Variants in GSE1 observed in about 807,000 individuals in gnomAD.
GSE1 encodes genetic suppressor element 1.
A neutral mutation model predicts 112.6 loss-of-function variants in GSE1; 32 were observed. The ratio of observed to expected loss-of-function variants is 0.28; its 90% CI spans 0.21 to 0.38. The LOEUF is 0.38. Ranked by LOEUF, GSE1 falls within the 10% of genes least tolerant of loss-of-function variation. The probability of loss-of-function intolerance (pLI) is 1.00; values close to 1 mark genes in which losing one functional copy is unlikely to be tolerated. For missense variants in GSE1, 2,348 were observed against 1,699.2 expected, an observed-to-expected ratio of 1.38 and a Z score of -6.71; for synonymous variants, 1,115 against 735.6, an observed-to-expected ratio of 1.52 and a Z score of -8.35.
At chr16:85,543,744 G>A (rs1187097653) in intron 2 of GSE1, among the ~76,000 whole-genome samples, 1 of 152,214 alleles carries the variant, frequency 6.6e-6, no homozygotes, top group Non-Finnish European at 1.5e-5. Flanking sequence ...TCTAAAACTT[G>A]TGTCACCCAG....
Position 85,648,598 on chromosome 16 carries a change from C to A in GSE1, c.273C>A (p.Thr91=), listed in dbSNP as rs150142654. Residue 91 remains threonine (T), a synonymous_variant, in exon 3 of 16, where the codon ACC becomes ACA. Coordinates refer to ENST00000253458, the MANE Select transcript of GSE1 (RefSeq NM_014615.5). ...SESSPVSSPA[T]NHSSPASTPK... is the part of the protein sequence containing the mutation. ...CGTCCCCCGTGTCCTCTCCGGCCAC[C>A]AACCACAGCTCCCCCGCCAGCACAC... is the stretch of plus-strand genomic sequence containing the variant. 6.2e-7 allele frequency: 1 copy of A among 1,605,336 alleles called. No individual in the cohort carries two copies. The highest frequency in any genetic ancestry group is 1.3e-5 in the African/African-American group (1 of 74,748).
Position 85,549,883 on chromosome 16 carries a change from A to C in GSE1, c.2465-84031A>C, listed in dbSNP as rs1384540921. Among the ~76,000 whole-genome samples the C allele has an allele frequency of 2.0e-5, 3 of 152,154 alleles. No homozygotes were observed. The South Asian group carries it at 6.2e-4, about 32-fold the overall frequency. ...GTGGGTGATGGTCACTGTGGTGCCC[A>C]TCTCAAGGGGAGGGGATGCTGGGGC... is the stretch of plus-strand genomic sequence containing the variant. On this transcript the variant is annotated intron_variant, in intron 2 of 2. Coordinates refer to the GSE1 transcript ENST00000637419.
At position 85,668,418 on chromosome 16, in the gene GSE1, A is replaced by G; in HGVS notation, c.3409A>G (p.Ile1137Val). 6.3e-7 allele frequency: 1 copy of G among 1,590,204 alleles called. No individual in the cohort carries two copies. Among genetic ancestry groups the G allele is most frequent in the Non-Finnish European group, 8.6e-7 (1 of 1,165,256 alleles). Reference protein sequence around the residue: ...EAVFEAYQEHIEEQNLERQVL... With the variant: ...EAVFEAYQEHVEEQNLERQVL... ...CGTTTTTGAAGCTTACCAGGAACACATAGAAGGTAAGGGGGTGCTGGGGAA... is the reference window on the plus strand; with the variant it reads ...CGTTTTTGAAGCTTACCAGGAACACGTAGAAGGTAAGGGGGTGCTGGGGAA... The change falls in exon 14 of 16, where the codon ATA becomes GTA. Residue 1137 changes from isoleucine to valine, a missense_variant. Physicochemically the swap from Ile to Val is conservative, Grantham distance 29. Transcript: ENST00000253458.
chr16:85,221,028 T>C (rs2075382379), intron 1 of GSE1, among the ~76,000 whole-genome samples: 1 of 148,904 alleles, frequency 6.7e-6, no homozygotes, highest in Non-Finnish European at 1.5e-5. Context: ...GGATTCAGCG[T>C]CCTCCGGGCT....
intron 2 of GSE1, among the ~76,000 whole-genome samples, chr16:85,519,572 A>T (rs1412072187): frequency 7.7e-6 from 1 of 129,052 alleles, no homozygotes; most frequent in Non-Finnish European, 1.6e-5. Flanking sequence ...CATCATCACC[A>T]TCACCAGTCT....
At chr16:85,655,949 G>T in intron 6 of GSE1, 32 bp downstream of exon 6, 1 of 1,554,776 alleles carries the variant, frequency 6.4e-7, no homozygotes, top group Non-Finnish European at 8.7e-7. Flanking sequence ...GAGCCCCTCT[G>T]CCCTCCCTGT....
At chr16:85,464,022 C>T (rs1189399119) in intron 2 of GSE1, among the ~76,000 whole-genome samples, 1 of 152,152 alleles carries the variant, frequency 6.6e-6, no homozygotes, top group Non-Finnish European at 1.5e-5. Flanking sequence ...TCCTGACCTT[C>T]GGGCCCCTTA....
intron 2 of GSE1, among the ~76,000 whole-genome samples, chr16:85,481,266 T>G (rs2050674337): frequency 6.6e-6 from 1 of 152,236 alleles, no homozygotes; most frequent in African/African-American, 2.4e-5. Context: ...CACCTCCTTT[T>G]TTTGAAAAAT....
intron 1 of GSE1, among the ~76,000 whole-genome samples, chr16:85,347,429 G>C (rs955875273): frequency 6.6e-6 from 1 of 152,188 alleles, no homozygotes; most frequent in African/African-American, 2.4e-5. Context: ...ATGAGGAGGC[G>C]CTCTTGCCTC....
At chr16:85,609,792 C>G (rs915096734), upstream of GSE1, among the ~76,000 whole-genome samples, 4 of 152,108 alleles carry the variant, frequency 2.6e-5, no homozygotes, top group Admixed American at 1.3e-4. Flanking sequence ...GTAGATGGGA[C>G]TACAGGCACA....
chr16:85,446,347 G>A (rs1365205494), intron 2 of GSE1, among the ~76,000 whole-genome samples: 1 of 152,178 alleles, frequency 6.6e-6, no homozygotes, highest in Non-Finnish European at 1.5e-5. Flanking sequence ...TCTCTGCCTC[G>A]GTTTCCCCTT....
At chr16:85,383,410 GCA>G (rs1328235257) in intron 2 of GSE1, among the ~76,000 whole-genome samples, 2 of 150,724 alleles carry the variant, frequency 1.3e-5, no homozygotes, top group African/African-American at 4.9e-5. Context: ...GCACACACAC[GCA>G]CACACAGCCT....
At chr16:85,477,231 C>G (rs1389062819) in intron 2 of GSE1, among the ~76,000 whole-genome samples, 2 of 152,188 alleles carry the variant, frequency 1.3e-5, no homozygotes, top group Admixed American at 6.5e-5. Context: ...TGAGTTGGAG[C>G]TGACCCCGGG....
At chr16:85,447,559 C>T (rs1011323907) in intron 2 of GSE1, among the ~76,000 whole-genome samples, 24 of 152,230 alleles carry the variant, frequency 1.6e-4, no homozygotes, top group Admixed American at 4.6e-4. Flanking sequence ...CACCAGCTGT[C>T]ACCATCATGG....
chr16:85,184,740 T>C (rs2074664887), intron 1 of GSE1, among the ~76,000 whole-genome samples: 1 of 152,264 alleles, frequency 6.6e-6, no homozygotes, highest in Non-Finnish European at 1.5e-5. Context: ...GTATGTTGCT[T>C]AATTTCCAAA....
intron 2 of GSE1, among the ~76,000 whole-genome samples, chr16:85,416,063 A>C (rs1446890897): frequency 3.9e-5 from 6 of 152,204 alleles, no homozygotes; most frequent in African/African-American, 1.4e-4. Context: ...TATGATGAGC[A>C]TTAAAGCCGG....
chr16:85,665,731 CCTT>C (rs1567758833), intron 12 of GSE1, among the ~76,000 whole-genome samples: 2 of 152,224 alleles, frequency 1.3e-5, no homozygotes, highest in Non-Finnish European at 2.9e-5. Context: ...TGGGGGACTT[CCTT>C]CTTCCTGTGG....
chr16:85,221,519 T>C, intron 1 of GSE1, among the ~76,000 whole-genome samples: 1 of 152,068 alleles, frequency 6.6e-6, no homozygotes, highest in Non-Finnish European at 1.5e-5. Flanking sequence ...CCTATCCCTC[T>C]ACAGGGATGA....
chr16:85,325,427 G>C (rs2046205806), intron 1 of GSE1, among the ~76,000 whole-genome samples: 1 of 151,606 alleles, frequency 6.6e-6, no homozygotes, highest in African/African-American at 2.4e-5. Flanking sequence ...CCTGTGATCT[G>C]ATAAAGGGTA....
Sources: gnomAD v4.1 joint callset for allele counts (sites outside exome capture counted in the v4.1 genomes callset) on GRCh38, gnomAD v4.1.1 for gene constraint, MANE v1.5 for transcripts, NCBI Gene and HGNC (gene_info 2026-07-23, HGNC 2026-07-21) for gene names.